The following LARGE1 variants were observed in gnomAD, a reference collection of about 807,000 sequenced individuals.
The protein encoded by LARGE1 is LARGE xylosyl- and glucuronyltransferase 1.
LARGE1 carries 43 observed loss-of-function variants against 87.6 expected under a neutral mutation model. The ratio of observed to expected loss-of-function variants is 0.49; its 90% CI spans 0.38 to 0.63. The LOEUF (loss-of-function observed/expected upper bound fraction) is 0.63. Ranked by LOEUF, LARGE1 falls within the 30% of genes least tolerant of loss-of-function variation. The probability of loss-of-function intolerance (pLI) is 0.00; values close to 1 mark genes in which losing one functional copy is unlikely to be tolerated. For missense variants in LARGE1, 802 were observed against 1,000.2 expected (o/e 0.80, Z 2.67); for synonymous variants, 434 against 394.6 (o/e 1.10, Z -1.18).
At chr22:33,290,110 C>T (rs1333253338) in intron 12 of LARGE1, among the ~76,000 whole-genome samples, 1 of 152,122 alleles carries the variant, frequency 6.6e-6, no homozygotes, top group Non-Finnish European at 1.5e-5. Context: ...CATGGAATTA[C>T]CAATCCTCAA....
chr22:33,829,963 G>T (rs1348545050), intron 1 of LARGE1, among the ~76,000 whole-genome samples: 1 of 152,134 alleles, frequency 6.6e-6, no homozygotes, highest in Non-Finnish European at 1.5e-5. Flanking sequence ...AGAGATTATA[G>T]ATGACTTGTC....
At chr22:33,290,514 T>C (rs546359435) in intron 12 of LARGE1, among the ~76,000 whole-genome samples, 8 of 152,242 alleles carry the variant, frequency 5.3e-5, no homozygotes, top group South Asian at 2.1e-4. Flanking sequence ...ACCAAGAAGA[T>C]TGAAGAACCA....
intron 7 of LARGE1, 57 bp from the exon 8 acceptor site, chr22:33,384,361 A>G: frequency 1.0e-6 from 1 of 976,444 alleles, no homozygotes; most frequent in Non-Finnish European, 1.5e-6. Context: ...ATGGAGAGCT[A>G]GGCACACCTA....
At chr22:33,377,847 A>G (rs1321683955) in intron 9 of LARGE1, among the ~76,000 whole-genome samples, 1 of 152,194 alleles carries the variant, frequency 6.6e-6, no homozygotes, top group South Asian at 2.1e-4. Context: ...GCTGTTTAAC[A>G]TATCCATTTA....
chr22:33,316,177 G>C lies in LARGE1; in HGVS notation c.1359C>G (p.Val453=), dbSNP rs756294226. The stretch of plus-strand genomic sequence containing the variant: ...GCAGGAAGTACAGGTGGGTGCGGTG[G>C]ACAGTGAAGCGCTCTCGCCGGAACT... ...CYEFRRERFT[V]HRTHLYFLHY... The change falls in exon 11 of 15, where the codon GTC becomes GTG. Residue 453 remains valine, a synonymous_variant. Transcript: ENST00000397394. 6.2e-7 allele frequency: 1 copy of C among 1,614,130 alleles called. No homozygotes were observed. The highest frequency in any genetic ancestry group is 1.1e-5 in the South Asian group (1 of 91,078).
the LARGE1 span, among the ~76,000 whole-genome samples, chr22:33,111,579 G>C: frequency 0.74 from 112,602 of 151,924 alleles, 42,502 homozygotes; most frequent in East Asian, 1. Flanking sequence ...AATTCCCCCC[G>C]TCCAGACTCA....
chr22:33,834,593 C>T (rs892216769), intron 1 of LARGE1, among the ~76,000 whole-genome samples: 12 of 152,160 alleles, frequency 7.9e-5, no homozygotes, highest in African/African-American at 2.2e-4. Context: ...ACTCTCTTTT[C>T]GGACTCAGCC....
At chr22:33,754,967 C>T (rs1448034623) in intron 2 of LARGE1, among the ~76,000 whole-genome samples, 3 of 152,300 alleles carry the variant, frequency 2.0e-5, no homozygotes, top group East Asian at 3.9e-4. Context: ...TGGACAAACC[C>T]TCCTTGGATA....
intron 6 of LARGE1, among the ~76,000 whole-genome samples, chr22:33,509,989 T>G (rs762974716): frequency 7.9e-5 from 12 of 152,174 alleles, no homozygotes; most frequent in Admixed American, 2.0e-4. Context: ...GATCTACATT[T>G]GAAACCTAAA....
chr22:33,253,935 G>A (rs1366847930), intron 11 of LARGE1, among the ~76,000 whole-genome samples: 4 of 146,126 alleles, frequency 2.7e-5, no homozygotes, highest in Admixed American at 6.9e-5. Context: ...GTAAAAGAAC[G>A]CTAAATCTTT....
At chr22:33,541,160 A>G (rs2077193173) in intron 6 of LARGE1, among the ~76,000 whole-genome samples, 1 of 143,232 alleles carries the variant, frequency 7.0e-6, no homozygotes, top group Non-Finnish European at 1.5e-5. Flanking sequence ...AGCCTGGGCT[A>G]TAGAGCAAGA....
intron 5 of LARGE1, among the ~76,000 whole-genome samples, chr22:33,589,212 C>G (rs1036084838): frequency 1.3e-5 from 2 of 152,210 alleles, no homozygotes; most frequent in African/African-American, 4.8e-5. Flanking sequence ...CTTGGTCTAG[C>G]TGCCTCTACT....
chr22:33,208,519 C>T (rs1007207782), intron 11 of LARGE1, among the ~76,000 whole-genome samples: 1 of 152,050 alleles, frequency 6.6e-6, no homozygotes, highest in African/African-American at 2.4e-5. Context: ...GAGCATCCTT[C>T]TAGAAGAAAG....
At chr22:33,153,647 C>T in the LARGE1 span, among the ~76,000 whole-genome samples, 1 of 152,190 alleles carries the variant, frequency 6.6e-6, no homozygotes, top group Non-Finnish European at 1.5e-5. Flanking sequence ...TAAGGTCTCT[C>T]CATTTTCTCA....
chr22:33,465,479 C>T (rs1200197109), intron 6 of LARGE1, among the ~76,000 whole-genome samples: 1 of 152,108 alleles, frequency 6.6e-6, no homozygotes, highest in African/African-American at 2.4e-5. Flanking sequence ...AGAACATATG[C>T]CATAGATTTC....
At chr22:33,435,543 C>T (rs1271740486) in intron 6 of LARGE1, among the ~76,000 whole-genome samples, 5 of 152,004 alleles carry the variant, frequency 3.3e-5, no homozygotes, top group Admixed American at 2.6e-4. Flanking sequence ...ATCATTTCAC[C>T]CTCTCTGTAG....
chr22:33,420,715 T>C (rs1454093459), intron 7 of LARGE1, among the ~76,000 whole-genome samples: 1 of 152,224 alleles, frequency 6.6e-6, no homozygotes, highest in East Asian at 1.9e-4. Flanking sequence ...ACAGAGAAGC[T>C]TGGCACATTG....
intron 2 of LARGE1, among the ~76,000 whole-genome samples, chr22:33,713,529 G>C (rs1021449818): frequency 2.0e-5 from 3 of 152,042 alleles, no homozygotes; most frequent in Non-Finnish European, 4.4e-5. Flanking sequence ...CAGCAAACCA[G>C]GTTGGCACTC....
intron 7 of LARGE1, among the ~76,000 whole-genome samples, chr22:33,415,153 C>T (rs1259011682): frequency 6.6e-6 from 1 of 152,212 alleles, no homozygotes; most frequent in Non-Finnish European, 1.5e-5. Flanking sequence ...AGCCCAGCTG[C>T]ACAAAGGCAG....
Sources: allele counts gnomAD v4.1 joint callset (sites outside exome capture counted in the v4.1 genomes callset), GRCh38; gene constraint gnomAD v4.1.1; transcripts MANE v1.5; gene names NCBI Gene and HGNC (gene_info 2026-07-23, HGNC 2026-07-21).